The following LIMCH1 variants were observed in gnomAD, a reference collection of about 807,000 sequenced individuals.
LIMCH1 encodes LIM and calponin homology domains-containing protein 1.
In LIMCH1, 113 loss-of-function variants were observed where a neutral mutation model predicts 176.5. That is an observed-to-expected ratio of 0.64 (90% CI 0.55 to 0.75). LIMCH1 has a LOEUF of 0.75. Ranked by LOEUF, LIMCH1 falls within the 30% of genes least tolerant of loss-of-function variation. The pLI, the probability that LIMCH1 is intolerant of heterozygous loss-of-function variation, is 0.00. For missense variants in LIMCH1, 1,674 were observed against 1,814.9 expected, an observed-to-expected ratio of 0.92 and a Z score of 1.41; for synonymous variants, 619 against 645.9, an observed-to-expected ratio of 0.96 and a Z score of 0.63.
chr4:41,583,087 A>G (rs965858871), intron 1 of LIMCH1, among the ~76,000 whole-genome samples: 1 of 152,192 alleles, frequency 6.6e-6, no homozygotes, highest in Non-Finnish European at 1.5e-5. Context: ...CTCTGTTCCT[A>G]TCAAACAATA....
At chr4:41,376,046 T>G (rs905789958) in intron 1 of LIMCH1, among the ~76,000 whole-genome samples, 53 of 152,228 alleles carry the variant, frequency 3.5e-4, no homozygotes, top group African/African-American at 1.2e-3. Context: ...GCCCTTGACA[T>G]GAGTTTCTTA....
At chr4:41,382,469 A>G (rs548995373) in intron 1 of LIMCH1, among the ~76,000 whole-genome samples, 1 of 152,090 alleles carries the variant, frequency 6.6e-6, no homozygotes, top group Admixed American at 6.5e-5. Context: ...TTTGTACTGT[A>G]GGCAGCAGTA....
At chr4:41,418,064 G>A (rs866989384) in intron 1 of LIMCH1, among the ~76,000 whole-genome samples, 4 of 152,180 alleles carry the variant, frequency 2.6e-5, no homozygotes, top group African/African-American at 7.2e-5. Flanking sequence ...ACAAAAGAGA[G>A]CTGCCCCTAC....
chr4:41,630,175 C>T (rs77118469), intron 9 of LIMCH1, among the ~76,000 whole-genome samples: 4,698 of 152,044 alleles, frequency 0.031, 242 homozygotes, highest in African/African-American at 0.11. Context: ...AGGCTGATCT[C>T]GAACACCTAG....
intron 1 of LIMCH1, among the ~76,000 whole-genome samples, chr4:41,493,927 C>T (rs2071554644): frequency 6.6e-6 from 1 of 152,102 alleles, no homozygotes; most frequent in Non-Finnish European, 1.5e-5. Context: ...TGATGTTAGT[C>T]CCTTGAGATT....
At chr4:41,532,354 C>G (rs1286380454) in intron 3 of LIMCH1, among the ~76,000 whole-genome samples, 1 of 152,150 alleles carries the variant, frequency 6.6e-6, no homozygotes, top group Non-Finnish European at 1.5e-5. Context: ...TGTCCCTCAT[C>G]TTCTCATAAT....
rs979945521 is a variant in LIMCH1 at position 41,657,352 on chromosome 4, A to G, written c.3037-4068A>G. ...CAAACCGCTGAGTGTATCCCTGCCA[A>G]CTTTGAACTCATTTCCTTCGAAGTA... On this transcript the variant is annotated intron_variant, in intron 18 of 31. Coordinates refer to ENST00000503057, the MANE Select transcript of LIMCH1 (RefSeq NM_001330672.2). Among the ~76,000 whole-genome samples, 6 of 152,346 alleles carry G rather than the reference A, an allele frequency of 3.9e-5. No homozygotes were observed. The South Asian group carries it at 1.2e-3, about 32-fold the overall frequency.
chr4:41,682,065 TC>T (rs1716455943), intron 25 of LIMCH1, among the ~76,000 whole-genome samples: 1 of 152,224 alleles, frequency 6.6e-6, no homozygotes, highest in South Asian at 2.1e-4. Context: ...AAACCATTTG[TC>T]CTGAAATGAG....
At chr4:41,408,191 C>T (rs138186921) in intron 1 of LIMCH1, among the ~76,000 whole-genome samples, 39 of 152,154 alleles carry the variant, frequency 2.6e-4, no homozygotes, top group African/African-American at 9.4e-4. Context: ...CCTGGGAGAA[C>T]TTTAAGGAGT....
At chr4:41,611,692 T>C (rs369046805) in intron 4 of LIMCH1, among the ~76,000 whole-genome samples, 1 of 152,216 alleles carries the variant, frequency 6.6e-6, no homozygotes, top group Non-Finnish European at 1.5e-5. Context: ...GGATGAGTGG[T>C]TGTGAGGATT....
intron 1 of LIMCH1, among the ~76,000 whole-genome samples, chr4:41,364,619 T>G (rs1195415560): frequency 3.9e-5 from 6 of 152,200 alleles, no homozygotes; most frequent in Non-Finnish European, 8.8e-5. Flanking sequence ...GTGATCTTGG[T>G]AGTCCATCAA....
At chr4:41,372,430 ATT>A (rs1233792327) in intron 1 of LIMCH1, among the ~76,000 whole-genome samples, 10 of 152,184 alleles carry the variant, frequency 6.6e-5, no homozygotes. Context: ...AGTTTGGGAC[ATT>A]ATTCATACAT....
chr4:41,529,256 G>A (rs981375490), intron 3 of LIMCH1, among the ~76,000 whole-genome samples: 15 of 152,208 alleles, frequency 9.9e-5, no homozygotes, highest in Non-Finnish European at 2.2e-4. Flanking sequence ...CAAAAGCCAT[G>A]AATGTATGAA....
chr4:41,525,793 C>T (rs1420177746), intron 3 of LIMCH1, among the ~76,000 whole-genome samples: 1 of 151,888 alleles, frequency 6.6e-6, no homozygotes, highest in African/African-American at 2.4e-5. Context: ...GTAAATTCAC[C>T]TCTTCCAAAT....
chr4:41,531,474 T>TCTCACACACACACA (rs777097315), intron 3 of LIMCH1, among the ~76,000 whole-genome samples: 2 of 126,984 alleles, frequency 1.6e-5, no homozygotes, highest in African/African-American at 6.7e-5. Flanking sequence ...TCTTTCTCTG[T>TCTCACACACACACA]CACACACACA....
intron 1 of LIMCH1, among the ~76,000 whole-genome samples, chr4:41,492,457 A>AG (rs1360084799): frequency 3.6e-4 from 40 of 110,164 alleles, no homozygotes; most frequent in African/African-American, 1.2e-3. Flanking sequence ...GGGGAGGGGG[A>AG]GGGGGACTTT....
intron 21 of LIMCH1, 78 bp from the exon 22 acceptor site, chr4:41,671,476 A>T: frequency 8.5e-7 from 1 of 1,178,934 alleles, no homozygotes; most frequent in Non-Finnish European, 1.2e-6. Context: ...ACTATACTCC[A>T]CTGATAGGTC....
Position 41,632,737 on chromosome 4 carries a change from G to C in LIMCH1, c.1602-12G>C. 1 of 1,533,584 alleles carries C rather than the reference G, an allele frequency of 6.5e-7. No homozygotes were observed. Among genetic ancestry groups the C allele is most frequent in the Non-Finnish European group, 8.7e-7 (1 of 1,144,590 alleles). 95.0% of individuals were successfully genotyped at this position (1,533,584 alleles called of 1,614,324 possible). A position where few individuals can be genotyped will look rare whatever the true frequency, so the allele number is the denominator to read the frequency against. On this transcript the variant is annotated splice_polypyrimidine_tract_variant and intron_variant, in intron 10 of 31. Coordinates refer to ENST00000503057, the MANE Select transcript of LIMCH1 (RefSeq NM_001330672.2). ...TCCTCTCTTGCCACCAATGCTACTTGATCGTCTGCAGAACAATGAATTGTG... is the reference window on the plus strand; with the variant it reads ...TCCTCTCTTGCCACCAATGCTACTTCATCGTCTGCAGAACAATGAATTGTG...
chr4:41,548,112 A>C (rs924925029), intron 1 of LIMCH1, among the ~76,000 whole-genome samples: 5 of 151,772 alleles, frequency 3.3e-5, no homozygotes, highest in Admixed American at 1.3e-4. Flanking sequence ...ATAAGATCTC[A>C]GTGAATGATG....
Sources: gnomAD v4.1 joint callset for allele counts (sites outside exome capture counted in the v4.1 genomes callset) on GRCh38, gnomAD v4.1.1 for gene constraint, MANE v1.5 for transcripts, NCBI Gene and HGNC (gene_info 2026-07-23, HGNC 2026-07-21) for gene names.